Variants in ZFP14 observed in about 807,000 individuals in gnomAD.
ZFP14 encodes zinc finger protein 14 homolog.
ZFP14 carries 22 observed loss-of-function variants against 54.5 expected under a neutral mutation model. The observed-to-expected ratio is 0.40, with a 90% CI of 0.29 to 0.58. ZFP14 has a LOEUF of 0.58. ZFP14 is among the 20% of genes least tolerant of loss of function. The pLI, the probability that ZFP14 is intolerant of heterozygous loss-of-function variation, is 0.39. For missense variants in ZFP14, 470 were observed against 637.8 expected, an observed-to-expected ratio of 0.74 and a Z score of 2.83; for synonymous variants, 159 against 204.0, an observed-to-expected ratio of 0.78 and a Z score of 1.88.
rs921820621 is a variant in ZFP14, at chr19:36,338,800, C to G, written c.*1424G>C. ...GGCATTTTGAGCATCCAAAAGTATA[C>G]TGACTTATAGAATGATGTTTTGTTT... On this transcript the variant is annotated 3_prime_UTR_variant, in exon 5 of 5. Transcript: ENST00000270001. 6.6e-6 allele frequency: 1 copy of G among 152,184 alleles called. No homozygotes were observed. 9.4% of individuals were successfully genotyped at this position (152,184 alleles called of 1,614,324 possible). A position where few individuals can be genotyped will look rare whatever the true frequency, so the allele number is the denominator to read the frequency against.
chr19:36,345,267 C>T (rs569392042), intron 4 of ZFP14, among the ~76,000 whole-genome samples: 2 of 152,240 alleles, frequency 1.3e-5, no homozygotes, highest in South Asian at 4.1e-4. Context: ...CCATCTCAAA[C>T]AAAACAAAAC....
At chr19:36,373,732 G>A (rs1184328247) in intron 1 of ZFP14, among the ~76,000 whole-genome samples, 1 of 151,510 alleles carries the variant, frequency 6.6e-6, no homozygotes, top group Non-Finnish European at 1.5e-5. Flanking sequence ...GCAACATAGT[G>A]AGACCTTGTC....
chr19:36,348,397 G>T (rs2145544854), intron 4 of ZFP14, among the ~76,000 whole-genome samples: 1 of 152,284 alleles, frequency 6.6e-6, no homozygotes, highest in Middle Eastern at 3.4e-3. Flanking sequence ...GCCTTCATGA[G>T]ATCAGAATGC....
Position 36,340,131 on chromosome 19 carries a change from T to C in ZFP14, c.*93A>G, listed in dbSNP as rs949489671. On this transcript the variant is annotated 3_prime_UTR_variant, in exon 5 of 5. Coordinates refer to ENST00000270001, the MANE Select transcript of ZFP14 (RefSeq NM_020917.3). This position sits in a 1 kb window ranked among gnomAD's most constrained non-coding sequence, Gnocchi z 5.4. Reference sequence around the variant, plus strand: ...CATATTCTTTCTCTAATATAAAATTTATTATGCTTGGAATTGAGCATGAAA... The same window carrying C: ...CATATTCTTTCTCTAATATAAAATTCATTATGCTTGGAATTGAGCATGAAA... The C allele has an allele frequency of 2.2e-5, 29 of 1,291,516 alleles. No homozygotes were observed. In the African/African-American group the frequency reaches 4.0e-4, roughly 18 times the overall value. The allele number at this position is 1,291,516 out of a possible 1,614,324, so 80.0% of individuals were successfully genotyped here. A position where few individuals can be genotyped will look rare whatever the true frequency, so the allele number is the denominator to read the frequency against.
intron 4 of ZFP14, among the ~76,000 whole-genome samples, chr19:36,344,671 T>C (rs553018935): frequency 6.6e-6 from 1 of 152,304 alleles, no homozygotes; most frequent in East Asian, 1.9e-4. Context: ...CTCGGCCTCC[T>C]GTCAGATCAG....
At chr19:36,364,291 G>A (rs1230496196) in intron 2 of ZFP14, among the ~76,000 whole-genome samples, 3 of 152,262 alleles carry the variant, frequency 2.0e-5, no homozygotes, top group South Asian at 4.1e-4. Context: ...CATACATCAC[G>A]CAGGGGCACA....
At chr19:36,349,257 C>CAAAAAAAA (rs1171155676) in intron 4 of ZFP14, among the ~76,000 whole-genome samples, 1 of 42,228 alleles carries the variant, frequency 2.4e-5, no homozygotes, top group Admixed American at 3.5e-4. Flanking sequence ...AAAAAAAAAA[C>CAAAAAAAA]AAAAAAAAAA....
chr19:36,360,585 T>C (rs1452540302), intron 3 of ZFP14, 52 bp from the exon 4 acceptor site: 2 of 1,528,124 alleles, frequency 1.3e-6, no homozygotes, highest in East Asian at 4.5e-5. Flanking sequence ...AATCTTTAGA[T>C]TTAGATTTGG....
At chr19:36,354,608 C>T (rs1202032715) in intron 4 of ZFP14, among the ~76,000 whole-genome samples, 1 of 142,074 alleles carries the variant, frequency 7.0e-6, no homozygotes, top group Non-Finnish European at 1.6e-5. Flanking sequence ...ATTCATATGG[C>T]CTGGGCTCTT....
At chr19:36,373,772 G>A (rs1017307792) in intron 1 of ZFP14, among the ~76,000 whole-genome samples, 1 of 151,754 alleles carries the variant, frequency 6.6e-6, no homozygotes, top group Admixed American at 6.6e-5. Context: ...AATTAGCCGG[G>A]CATGGTAGCG....
At chr19:36,347,848 G>C (rs2031446689) in intron 4 of ZFP14, among the ~76,000 whole-genome samples, 1 of 152,054 alleles carries the variant, frequency 6.6e-6, no homozygotes, top group African/African-American at 2.4e-5. Flanking sequence ...ATCACCTGAG[G>C]TCGGGAGTTT....
intron 2 of ZFP14, among the ~76,000 whole-genome samples, chr19:36,366,522 G>A (rs141954369): frequency 4.6e-5 from 7 of 152,108 alleles, no homozygotes; most frequent in Admixed American, 4.6e-4. Context: ...TTGCCTTGTT[G>A]CCCGGGATGG....
In ZFP14 at chr19:36,335,488, T is replaced by C. The variant is rs893131345; in HGVS notation, c.*4736A>G. On this transcript the variant is annotated 3_prime_UTR_variant, in exon 5 of 5. Coordinates refer to ENST00000270001, the MANE Select transcript of ZFP14 (RefSeq NM_020917.3). ...TAATTTTTATTAGGATTATTTTACC[T>C]TGCAGAATTAATTGGTAAAATCTTT... 3.3e-5 allele frequency: 5 copies of C among 152,152 alleles called. No individual in the cohort carries two copies. Among genetic ancestry groups the C allele is most frequent in the Admixed American group, 1.3e-4 (2 of 15,280 alleles). 9.4% of individuals were successfully genotyped at this position (152,152 alleles called of 1,614,324 possible).
intron 4 of ZFP14, among the ~76,000 whole-genome samples, chr19:36,354,586 G>A (rs566339075): frequency 1.4e-5 from 2 of 142,034 alleles, no homozygotes; most frequent in East Asian, 2.1e-4. Context: ...CAGGAATGCC[G>A]TTGCTTTAGA....
chr19:36,341,012 C>T lies in ZFP14; in HGVS notation c.814G>A (p.Ala272Thr). 2 of 1,613,266 alleles carry T rather than the reference C, an allele frequency of 1.2e-6. No homozygotes were observed. Among genetic ancestry groups the T allele is most frequent in the Admixed American group, 1.7e-5 (1 of 59,934 alleles). ...GKAFRVHQQL[A>T]RHQRIHTGEK... is the part of the protein sequence containing the mutation. ...CCAGTGTGAATTCTCTGATGTCGAG[C>T]CAGTTGCTGATGTACTCTAAAGGCC... Residue 272 changes from alanine (A) to threonine (T), a missense_variant, in exon 5 of 5, where the codon GCT becomes ACT. Ala to Thr is a moderately conservative substitution (Grantham distance 58). Coordinates refer to ENST00000270001, the MANE Select transcript of ZFP14 (RefSeq NM_020917.3). This position sits in a 1 kb window ranked among gnomAD's most constrained non-coding sequence, Gnocchi z 4.2.
In ZFP14 at chr19:36,371,904, G is replaced by A. The variant is rs1303334401; in HGVS notation, c.-79-3933C>T. Among the ~76,000 whole-genome samples the A allele has an allele frequency of 4.1e-5, 6 of 144,750 alleles. 1 individual carries two copies. The South Asian group carries it at 6.9e-4, about 17-fold the overall frequency. The allele number at this position is 144,750 out of a possible 152,430, so 95.0% of individuals were successfully genotyped here. A position where few individuals can be genotyped will look rare whatever the true frequency, so the allele number is the denominator to read the frequency against. ...ACCCAGAAGTTCAAGGTTGCAGTGA[G>A]CTATGATCATGCCACTACACTCCAG... On this transcript the variant is annotated intron_variant, in intron 1 of 4. Coordinates refer to ENST00000270001, the MANE Select transcript of ZFP14 (RefSeq NM_020917.3).
chr19:36,365,838 T>G (rs1022462113), intron 2 of ZFP14, among the ~76,000 whole-genome samples: 3 of 151,986 alleles, frequency 2.0e-5, no homozygotes, highest in African/African-American at 7.2e-5. Flanking sequence ...CACGTGCCTG[T>G]AGTCCCCAGT....
intron 2 of ZFP14, among the ~76,000 whole-genome samples, chr19:36,363,189 C>CTTTTCTTTTTTTTTTTTTTTTT (rs1555755935): frequency 1.1e-4 from 11 of 97,754 alleles, no homozygotes; most frequent in Non-Finnish European, 1.8e-4. Flanking sequence ...CTTTTCTTTT[C>CTTTTCTTTTTTTTTTTTTTTTT]TTTTTTTTTT....
At chr19:36,367,656 G>T (rs2031814985) in intron 2 of ZFP14, among the ~76,000 whole-genome samples, 2 of 152,120 alleles carry the variant, frequency 1.3e-5, no homozygotes, top group Non-Finnish European at 2.9e-5. Context: ...TAGAGACAGG[G>T]TTTCACCATG....
Sources: allele counts gnomAD v4.1 joint callset (sites outside exome capture counted in the v4.1 genomes callset), GRCh38; gene constraint gnomAD v4.1.1; non-coding constraint Gnocchi (gnomAD v3.1); transcripts MANE v1.5; gene names NCBI Gene and HGNC (gene_info 2026-07-23, HGNC 2026-07-21).